Variants in PRRC2B observed in about 807,000 individuals in gnomAD.
PRRC2B encodes the protein proline rich coiled-coil 2B, also known as protein PRRC2B.
In PRRC2B, 68 loss-of-function variants were observed where a neutral mutation model predicts 242.3. That is an observed-to-expected ratio of 0.28 (90% CI 0.23 to 0.34). PRRC2B has a LOEUF of 0.34. PRRC2B is among the 10% of genes least tolerant of loss of function. PRRC2B has a pLI of 1.00. For missense variants in PRRC2B, 2,835 were observed against 2,954.8 expected, an observed-to-expected ratio of 0.96 and a Z score of 0.94; for synonymous variants, 1,228 against 1,173.6, an observed-to-expected ratio of 1.05 and a Z score of -0.95.
chr9:131,406,130 C>T (rs1256957947), intron 1 of PRRC2B, among the ~76,000 whole-genome samples: 1 of 152,112 alleles, frequency 6.6e-6, no homozygotes, highest in African/African-American at 2.4e-5. Flanking sequence ...GGCTTTTGTA[C>T]ACTTGGGGCT....
intron 3 of PRRC2B, among the ~76,000 whole-genome samples, chr9:131,434,428 G>A (rs977017750): frequency 1.3e-5 from 2 of 152,262 alleles, no homozygotes; most frequent in Non-Finnish European, 2.9e-5. Context: ...TGGAGTGTTG[G>A]TGAGGGCATA....
At chr9:131,412,183 G>C (rs1837525065) in intron 1 of PRRC2B, among the ~76,000 whole-genome samples, 1 of 152,262 alleles carries the variant, frequency 6.6e-6, no homozygotes, top group Middle Eastern at 3.4e-3. Flanking sequence ...CTATCTTGAT[G>C]GGCTTGATCT....
intron 1 of PRRC2B, among the ~76,000 whole-genome samples, chr9:131,407,993 G>A (rs1016198278): frequency 2.6e-5 from 4 of 152,224 alleles, no homozygotes; most frequent in Non-Finnish European, 5.9e-5. Context: ...TTGCATCCAG[G>A]TTGGAGTGGT....
At chr9:131,453,918 A>T (rs1208263007) in intron 9 of PRRC2B, among the ~76,000 whole-genome samples, 2 of 152,220 alleles carry the variant, frequency 1.3e-5, no homozygotes, top group African/African-American at 2.4e-5. Flanking sequence ...TAAAGTCTAT[A>T]GTTTAGTGGT....
intron 1 of PRRC2B, among the ~76,000 whole-genome samples, chr9:131,406,413 G>T (rs570136528): frequency 5.9e-5 from 9 of 152,122 alleles, no homozygotes; most frequent in Non-Finnish European, 1.2e-4. Context: ...GGAGTTTCAG[G>T]TAAATGTCTT....
At chr9:131,463,868 T>C (rs1943314706) in intron 11 of PRRC2B, among the ~76,000 whole-genome samples, 1 of 150,444 alleles carries the variant, frequency 6.6e-6, no homozygotes, top group South Asian at 2.1e-4. Flanking sequence ...CCTAGGCTCA[T>C]GCAGTCCCCC....
At chr9:131,432,483 G>C (rs771591851) in intron 2 of PRRC2B, 134 bp from the exon 3 acceptor site, 8 of 770,818 alleles carry the variant, frequency 1.0e-5, no homozygotes, top group East Asian at 2.7e-5. Context: ...CCCACTGCTG[G>C]TCTGCCCTTT....
chr9:131,461,215 T>C (rs2994071), intron 11 of PRRC2B, among the ~76,000 whole-genome samples: 147,631 of 152,288 alleles, frequency 0.97, 71,715 homozygotes, highest in East Asian at 1. Context: ...GCACATATGC[T>C]CTCCTTGCCC....
intron 1 of PRRC2B, among the ~76,000 whole-genome samples, chr9:131,416,310 T>C (rs1311918698): frequency 6.6e-6 from 1 of 152,162 alleles, no homozygotes; most frequent in Non-Finnish European, 1.5e-5. Flanking sequence ...GGTTTCACTA[T>C]ATTGGCCAGG....
rs141505870 is a variant in PRRC2B at position 131,491,515 on chromosome 9, G to T, written c.6316G>T (p.Val2106Phe). 2 of 1,612,286 alleles carry T rather than the reference G, an allele frequency of 1.2e-6. No homozygotes were observed. The highest frequency in any genetic ancestry group is 1.7e-6 in the Non-Finnish European group (2 of 1,179,584). The change falls in exon 29 of 32, where the codon GTT (valine) becomes TTT (phenylalanine). Residue 2106 changes from valine to phenylalanine, a missense_variant. Physicochemically the swap from Val to Phe is conservative, Grantham distance 50 (BLOSUM62 -1). Coordinates refer to ENST00000683519, the MANE Select transcript of PRRC2B (RefSeq NM_013318.4). ...IQLPPGQSLS[V>F]GAPRRIPPPG... ...GCTGCCACCTGGGCAGAGCCTCTCC[G>T]TTGGGGCCCCCCGAAGGATTCCTCC...
upstream of PRRC2B, among the ~76,000 whole-genome samples, chr9:131,389,267 T>G (rs951756885): frequency 6.7e-6 from 1 of 149,324 alleles, no homozygotes; most frequent in Non-Finnish European, 1.5e-5. Flanking sequence ...GCGATTCTCC[T>G]GCCTCAGCCT....
At chr9:131,390,106 G>T (rs1836880630), upstream of PRRC2B, among the ~76,000 whole-genome samples, 1 of 149,558 alleles carries the variant, frequency 6.7e-6, no homozygotes, top group Non-Finnish European at 1.5e-5. Flanking sequence ...GTAGAGACAG[G>T]GTTTCACCGT....
rs1200325930 is a variant in PRRC2B, at chr9:131,419,483, G to A, written c.-51-10611G>A. ...GCACCACCCAGAGCAGCCCTGCTGG[G>A]GAACGGAGGCTTCCCTGGCTGCATA... is the stretch of plus-strand genomic sequence containing the variant. On this transcript the variant is annotated intron_variant, in intron 1 of 31. Transcript: ENST00000683519. Among the ~76,000 whole-genome samples, 3 of 152,306 alleles carry A rather than the reference G, an allele frequency of 2.0e-5. 1 individual carries two copies. The highest frequency in any genetic ancestry group is 4.2e-4 in the South Asian group (2 of 4,818).
In PRRC2B at chr9:131,494,452, A is replaced by C; in HGVS notation, c.6521A>C (p.Asn2174Thr). 1.2e-6 allele frequency: 2 copies of C among 1,606,530 alleles called. No homozygotes were observed. The highest frequency in any genetic ancestry group is 8.5e-7 in the Non-Finnish European group (1 of 1,175,618). Residue 2174 changes from asparagine to threonine, a missense_variant, in exon 31 of 32, where the codon AAC (asparagine) becomes ACC (threonine). Physicochemically the swap from Asn to Thr is moderately conservative, Grantham distance 65 (BLOSUM62 0). This residue lies in a region of PRRC2B where 574 missense variants were observed against 626.0 expected (regional missense o/e 0.92). Transcript: ENST00000683519. This position sits in a 1 kb window ranked among gnomAD's most constrained non-coding sequence, Gnocchi z 4.3. ...GGGAAGCCCTCTGGATCAGCAGTTAACATGGGCTCTGTGCAGGGACACTAC... is the reference window on the plus strand; with the variant it reads ...GGGAAGCCCTCTGGATCAGCAGTTACCATGGGCTCTGTGCAGGGACACTAC... ...PSGKPSGSAV[N>T]MGSVQGHYVQ...
chr9:131,436,830 G>T, intron 4 of PRRC2B, 108 bp downstream of exon 4: 1 of 871,674 alleles, frequency 1.1e-6, no homozygotes, highest in Non-Finnish European at 1.8e-6. Context: ...GGTTGTGCAT[G>T]ACCTGTCTAT....
intron 1 of PRRC2B, among the ~76,000 whole-genome samples, chr9:131,418,828 G>A (rs1837726033): frequency 6.6e-6 from 1 of 152,178 alleles, no homozygotes; most frequent in Non-Finnish European, 1.5e-5. Flanking sequence ...AGTGTTTTAT[G>A]ACCCTTACTG....
intron 12 of PRRC2B, among the ~76,000 whole-genome samples, chr9:131,466,765 G>C (rs1380045647): frequency 6.6e-6 from 1 of 151,964 alleles, no homozygotes; most frequent in Non-Finnish European, 1.5e-5. Context: ...GATTACAGGC[G>C]AGCGCCACCA....
At chr9:131,420,541 G>C (rs1326163830) in intron 1 of PRRC2B, among the ~76,000 whole-genome samples, 1 of 102,756 alleles carries the variant, frequency 9.7e-6, no homozygotes, top group African/African-American at 3.6e-5. Flanking sequence ...CGCCCAGGCT[G>C]GAGTGCAGTG....
In PRRC2B at chr9:131,430,072, T is replaced by C. The variant is rs186496412; in HGVS notation, c.-51-22T>C. ...TTTTTTTCTCTCTCTTTTTTTTTTT[T>C]TCTTCTCTATTTCAAAGGCAGATCG... is the stretch of plus-strand genomic sequence containing the variant. On this transcript the variant is annotated intron_variant, in intron 1 of 31. Coordinates refer to ENST00000683519, the MANE Select transcript of PRRC2B (RefSeq NM_013318.4). The C allele has an allele frequency of 1.5e-3, 1,099 of 710,480 alleles. 9 individuals are homozygous for C. The African/African-American group carries it at 0.018, about 12-fold the overall frequency. The allele number at this position is 710,480 out of a possible 1,614,324, so 44.0% of individuals were successfully genotyped here. A position where few individuals can be genotyped will look rare whatever the true frequency, so the allele number is the denominator to read the frequency against.
Sources: allele counts gnomAD v4.1 joint callset (sites outside exome capture counted in the v4.1 genomes callset), GRCh38; gene constraint gnomAD v4.1.1; regional missense constraint gnomAD v4.1.1; non-coding constraint Gnocchi (gnomAD v3.1); transcripts MANE v1.5; gene names NCBI Gene and HGNC (gene_info 2026-07-23, HGNC 2026-07-21).